The following CDH13 variants were observed in gnomAD, a reference collection of about 807,000 sequenced individuals.
CDH13 encodes cadherin 13.
CDH13 carries 24 observed loss-of-function variants against 63.8 expected under a neutral mutation model. That is an observed-to-expected ratio of 0.38 (90% confidence interval 0.27 to 0.53). CDH13 has a LOEUF of 0.53. Among genes scored for constraint, CDH13 ranks in the 20% least tolerant of loss-of-function variants. The probability of loss-of-function intolerance (pLI) is 0.85; values close to 1 mark genes in which losing one functional copy is unlikely to be tolerated. For missense variants in CDH13, 1,049 were observed against 903.1 expected, an observed-to-expected ratio of 1.16 and a Z score of -2.07; for synonymous variants, 503 against 355.3, an observed-to-expected ratio of 1.42 and a Z score of -4.67.
chr16:82,712,009 C>G (rs1006469115), intron 1 of CDH13, among the ~76,000 whole-genome samples: 3 of 152,158 alleles, frequency 2.0e-5, no homozygotes, highest in Admixed American at 1.3e-4. Context: ...TCAGCCTTAA[C>G]CATTCTGCTC....
chr16:82,901,831 T>A (rs2041481059), intron 2 of CDH13, among the ~76,000 whole-genome samples: 1 of 152,130 alleles, frequency 6.6e-6, no homozygotes, highest in Non-Finnish European at 1.5e-5. Context: ...TGAAGTCCAG[T>A]GAGGGTTTCG....
At chr16:83,326,425 C>G (rs570085023) in intron 5 of CDH13, among the ~76,000 whole-genome samples, 2 of 126,640 alleles carry the variant, frequency 1.6e-5, no homozygotes, top group African/African-American at 2.9e-5. Context: ...ACACTTGGTG[C>G]TTTTTTTTTT....
At chr16:83,384,630 A>T (rs2091636565) in intron 6 of CDH13, among the ~76,000 whole-genome samples, 2 of 152,186 alleles carry the variant, frequency 1.3e-5, no homozygotes, top group Admixed American at 1.3e-4. Context: ...TGGCACTTGC[A>T]TGTGGGTCAG....
intron 4 of CDH13, among the ~76,000 whole-genome samples, chr16:83,177,407 A>G (rs1023174147): frequency 6.6e-6 from 1 of 152,210 alleles, no homozygotes; most frequent in Non-Finnish European, 1.5e-5. Flanking sequence ...ATGAATAAGC[A>G]TGTCAACATC....
At chr16:82,753,120 G>A (rs545536907) in intron 1 of CDH13, among the ~76,000 whole-genome samples, 3 of 152,250 alleles carry the variant, frequency 2.0e-5, no homozygotes, top group East Asian at 1.9e-4. Context: ...CAAACAGTAC[G>A]TGTCAGCTCC....
chr16:83,327,552 C>A (rs1054241636), intron 5 of CDH13, among the ~76,000 whole-genome samples: 4 of 152,082 alleles, frequency 2.6e-5, no homozygotes, highest in African/African-American at 9.7e-5. Context: ...GCTATGGAAA[C>A]AAGACAGACA....
intron 6 of CDH13, among the ~76,000 whole-genome samples, chr16:83,426,839 T>C (rs1282277779): frequency 6.6e-6 from 1 of 151,006 alleles, no homozygotes; most frequent in Non-Finnish European, 1.5e-5. Context: ...AGGTGTGTGG[T>C]GATCACAGTA....
Position 83,716,684 on chromosome 16 carries a change from A to G in CDH13, c.1539-31424A>G, listed in dbSNP as rs569836297. Among the ~76,000 whole-genome samples, 160 of 152,146 alleles carry G rather than the reference A, an allele frequency of 1.1e-3. 1 individual carries two copies. The highest frequency in any genetic ancestry group is 3.7e-3 in the African/African-American group (154 of 41,524). ...TTTTTAGTAGAGATGGGGTTTCACT[A>G]TGTTGGCCGGGCTGGTCTCAAATCC... On this transcript the variant is annotated intron_variant, in intron 10 of 13. Coordinates refer to ENST00000567109, the MANE Select transcript of CDH13 (RefSeq NM_001257.5).
At position 83,142,168 on chromosome 16, in the gene CDH13, T is replaced by TTG. The variant is rs1555602316; in HGVS notation, c.483+16668_483+16669insGT. Among the ~76,000 whole-genome samples, 12 of 149,640 alleles carry TTG rather than the reference T, an allele frequency of 8.0e-5. No homozygotes were observed. In the East Asian group the frequency reaches 1.4e-3, roughly 17 times the overall value. On this transcript the variant is annotated intron_variant, in intron 4 of 13. Coordinates refer to ENST00000567109, the MANE Select transcript of CDH13 (RefSeq NM_001257.5). ...TTTGTTTGTTTGTTTTTGTTTTTTT[T>TTG]TTTTTTTTTTTGAAATGGAGTCTCA...
At chr16:82,979,929 T>A (rs1318205549) in intron 2 of CDH13, among the ~76,000 whole-genome samples, 3 of 152,190 alleles carry the variant, frequency 2.0e-5, no homozygotes, top group African/African-American at 7.2e-5. Flanking sequence ...GGCCACTTCC[T>A]TGGGTCATGT....
At chr16:82,841,024 A>G (rs1005127747) in intron 1 of CDH13, among the ~76,000 whole-genome samples, 1 of 152,244 alleles carries the variant, frequency 6.6e-6, no homozygotes, top group Non-Finnish European at 1.5e-5. Context: ...GGCAAACAGC[A>G]GTGCAACTGT....
intron 3 of CDH13, 47 bp from the exon 4 acceptor site, chr16:83,125,338 T>A (rs1307652893): frequency 9.7e-7 from 1 of 1,029,446 alleles, no homozygotes; most frequent in Non-Finnish European, 1.5e-6. Context: ...GACTGATACA[T>A]CATTTCAATG....
At chr16:83,061,340 A>C (rs556877566) in intron 3 of CDH13, among the ~76,000 whole-genome samples, 1 of 151,758 alleles carries the variant, frequency 6.6e-6, no homozygotes, top group Non-Finnish European at 1.5e-5. Context: ...TGTCCGGATG[A>C]GTGGATTTTT....
At chr16:83,385,512 A>G (rs2091655790) in intron 6 of CDH13, among the ~76,000 whole-genome samples, 1 of 152,228 alleles carries the variant, frequency 6.6e-6, no homozygotes, top group African/African-American at 2.4e-5. Flanking sequence ...CAGTGTCTTA[A>G]TAAATTAAAA....
intron 2 of CDH13, among the ~76,000 whole-genome samples, chr16:82,892,575 C>T (rs1252527767): frequency 6.6e-6 from 1 of 152,166 alleles, no homozygotes; most frequent in Non-Finnish European, 1.5e-5. Flanking sequence ...ACAGTTATTT[C>T]AATGTACAAA....
At chr16:82,686,282 T>G (rs1055255615) in intron 1 of CDH13, among the ~76,000 whole-genome samples, 9 of 152,226 alleles carry the variant, frequency 5.9e-5, no homozygotes, top group Admixed American at 1.3e-4. Context: ...GGAAGTCACC[T>G]TAGCAGTGGT....
At chr16:83,555,894 C>T (rs2075590230) in intron 7 of CDH13, among the ~76,000 whole-genome samples, 1 of 152,200 alleles carries the variant, frequency 6.6e-6, no homozygotes, top group Admixed American at 6.5e-5. Flanking sequence ...CGTTCTGTTT[C>T]TATCAGCTTC....
At chr16:83,277,599 T>A (rs934767243) in intron 5 of CDH13, among the ~76,000 whole-genome samples, 5 of 152,148 alleles carry the variant, frequency 3.3e-5, no homozygotes, top group Admixed American at 1.3e-4. Context: ...TTCATCCCTC[T>A]CATATCTCAT....
intron 9 of CDH13, among the ~76,000 whole-genome samples, chr16:83,677,028 G>A (rs1915010589): frequency 1.3e-5 from 2 of 152,166 alleles, no homozygotes; most frequent in Non-Finnish European, 2.9e-5. Flanking sequence ...CTTCTTGCAA[G>A]AATACCCATT....
Sources: gnomAD v4.1 joint callset for allele counts (sites outside exome capture counted in the v4.1 genomes callset) on GRCh38, gnomAD v4.1.1 for gene constraint, MANE v1.5 for transcripts, NCBI Gene and HGNC (gene_info 2026-07-23, HGNC 2026-07-21) for gene names.